HIF1A: variants seen among roughly 807,000 people sequenced by gnomAD.
The protein encoded by HIF1A is hypoxia-inducible factor 1-alpha.
In HIF1A, 24 loss-of-function variants were observed where a neutral mutation model predicts 92.7. The observed-to-expected ratio is 0.26, with a 90% CI of 0.19 to 0.36. The LOEUF is 0.36. Among genes scored for constraint, HIF1A ranks in the 10% least tolerant of loss-of-function variants. The probability of loss-of-function intolerance (pLI) is 1.00; values close to 1 mark genes in which losing one functional copy is unlikely to be tolerated. For missense variants in HIF1A, 799 were observed against 998.5 expected (o/e 0.80, Z 2.69); for synonymous variants, 319 against 338.7 (o/e 0.94, Z 0.64).
chr14:61,728,621 G>A (rs1197016644), intron 6 of HIF1A, among the ~76,000 whole-genome samples: 1 of 152,062 alleles, frequency 6.6e-6, no homozygotes, highest in Non-Finnish European at 1.5e-5. Flanking sequence ...ACATTCATTG[G>A]CTACATACAG....
intron 4 of HIF1A, among the ~76,000 whole-genome samples, chr14:61,724,375 C>CTCTCTCTG (rs1447656747): frequency 6.6e-6 from 1 of 150,584 alleles, no homozygotes; most frequent in Non-Finnish European, 1.5e-5. Flanking sequence ...CTCTCTCTCT[C>CTCTCTCTG]TCTCTCCCCC....
intron 1 of HIF1A, among the ~76,000 whole-genome samples, chr14:61,700,356 C>A (rs1390051170): frequency 6.6e-6 from 1 of 152,108 alleles, no homozygotes; most frequent in Non-Finnish European, 1.5e-5. Context: ...TCTGTTTCTG[C>A]AAATTTAACT....
chr14:61,722,565 A>G (rs1274224376), intron 4 of HIF1A, among the ~76,000 whole-genome samples: 2 of 152,172 alleles, frequency 1.3e-5, no homozygotes, highest in Admixed American at 6.5e-5. Context: ...CCATTAAGGC[A>G]AGGAGAAATT....
At chr14:61,709,288 A>G (rs953038748) in intron 1 of HIF1A, among the ~76,000 whole-genome samples, 4 of 152,238 alleles carry the variant, frequency 2.6e-5, no homozygotes, top group African/African-American at 9.6e-5. Flanking sequence ...ATCACTAGTC[A>G]GGAATAATCT....
chr14:61,741,769 G>A (rs757285500), intron 12 of HIF1A, among the ~76,000 whole-genome samples: 16 of 152,148 alleles, frequency 1.1e-4, no homozygotes, highest in Non-Finnish European at 2.2e-4. Flanking sequence ...TACTGTAAAT[G>A]TGTTTACAGA....
intron 1 of HIF1A, among the ~76,000 whole-genome samples, chr14:61,713,058 CAGA>C (rs2044325122): frequency 6.6e-6 from 1 of 151,902 alleles, no homozygotes; most frequent in Non-Finnish European, 1.5e-5. Context: ...GTACCCCAGG[CAGA>C]AGGAGTAGAG....
intron 1 of HIF1A, among the ~76,000 whole-genome samples, chr14:61,710,691 A>C (rs2044295978): frequency 6.6e-6 from 1 of 152,160 alleles, no homozygotes; most frequent in Non-Finnish European, 1.5e-5. Context: ...CTAGATAGAA[A>C]ATGTAACAAC....
At chr14:61,724,349 T>TTCTCTCGCTCTCTCTCTCTC (rs2044472677) in intron 4 of HIF1A, among the ~76,000 whole-genome samples, 1 of 96,096 alleles carries the variant, frequency 1.0e-5, no homozygotes, top group African/African-American at 3.4e-5. Context: ...CACACACACA[T>TTCTCTCGCTCTCTCTCTCTC]TCTCTCTCTC....
Position 61,727,525 on chromosome 14 carries a change from C to G in HIF1A, c.643C>G (p.Pro215Ala). Residue 215 changes from proline to alanine, a missense_variant, in exon 6 of 15, where the codon CCA (proline) becomes GCA (alanine). Transcript: ENST00000337138. ...SNQPQCGYKK[P>A]PMTCLVLICE... ...CCAACCTCAGTGTGGGTATAAGAAA[C>G]CACCTATGACCTGCTTGGTGCTGAT... The G allele has an allele frequency of 1.2e-6, 2 of 1,613,772 alleles. No homozygotes were observed. The highest frequency in any genetic ancestry group is 1.7e-6 in the Non-Finnish European group (2 of 1,179,802).
chr14:61,715,426 G>A (rs928535048), intron 1 of HIF1A: 3 of 152,116 alleles, frequency 2.0e-5, no homozygotes, highest in Admixed American at 6.5e-5. Flanking sequence ...GGCAAATTTC[G>A]AACTTTATAA....
intron 1 of HIF1A, among the ~76,000 whole-genome samples, chr14:61,706,155 C>T (rs2044237280): frequency 6.6e-6 from 1 of 152,034 alleles, no homozygotes; most frequent in Admixed American, 6.6e-5. Flanking sequence ...GATTTACAAG[C>T]TGAGAAGGAA....
At chr14:61,706,682 A>G (rs546465556) in intron 1 of HIF1A, among the ~76,000 whole-genome samples, 5 of 152,316 alleles carry the variant, frequency 3.3e-5, no homozygotes, top group South Asian at 2.1e-4. Context: ...TAGTTGCTCT[A>G]TGGATTCCCA....
chr14:61,734,825 G>A (rs886451424), intron 8 of HIF1A, among the ~76,000 whole-genome samples: 3 of 152,172 alleles, frequency 2.0e-5, no homozygotes, highest in African/African-American at 7.2e-5. Flanking sequence ...ATGAGTTAAT[G>A]GATGTAGCAC....
At chr14:61,720,609 ATTAGAAG>A in intron 2 of HIF1A, 37 bp downstream of exon 2, 2 of 1,297,728 alleles carry the variant, frequency 1.5e-6, no homozygotes, top group Non-Finnish European at 2.1e-6. Context: ...AGGCCTGAAA[ATTAGAAG>A]TTAGAAGTAA....
chr14:61,712,018 C>T (rs541103597), intron 1 of HIF1A, among the ~76,000 whole-genome samples: 2 of 152,254 alleles, frequency 1.3e-5, no homozygotes, highest in East Asian at 3.9e-4. Flanking sequence ...AAGTCTCCGC[C>T]TCTATGGAAC....
chr14:61,700,580 G>A (rs557336862), intron 1 of HIF1A, among the ~76,000 whole-genome samples: 2 of 152,170 alleles, frequency 1.3e-5, no homozygotes, highest in African/African-American at 2.4e-5. Context: ...CCACATCTTG[G>A]TTATTGTGCT....
rs369956610 is a variant in HIF1A at position 61,744,655 on chromosome 14, TA to T, written c.2094-49del. On this transcript the variant is annotated intron_variant, in intron 12 of 14. Transcript: ENST00000337138. Reference sequence around the variant, plus strand: ...ATTTTCTTTAAAAGCGCTCACTGGATATTTTTTTTAAAAACGCTATATTTTC... The same window carrying T: ...ATTTTCTTTAAAAGCGCTCACTGGATTTTTTTTTAAAAACGCTATATTTTC... The T allele has an allele frequency of 7.7e-4, 570 of 741,690 alleles. 11 individuals are homozygous for T. The South Asian group carries it at 8.1e-3, about 11-fold the overall frequency. 45.9% of individuals were successfully genotyped at this position (741,690 alleles called of 1,614,324 possible).
At chr14:61,697,853 G>C (rs944123805) in intron 1 of HIF1A, 2 of 1,507,512 alleles carry the variant, frequency 1.3e-6, no homozygotes, top group African/African-American at 2.8e-5. Context: ...CATTTTAAAT[G>C]AGCTCCCAAT....
intron 14 of HIF1A, among the ~76,000 whole-genome samples, chr14:61,746,564 C>T (rs1020644164): frequency 6.6e-6 from 1 of 151,726 alleles, no homozygotes; most frequent in Admixed American, 6.6e-5. Flanking sequence ...TCACCACACC[C>T]GGTTGCTTTT....
Sources: gnomAD v4.1 joint callset for allele counts (sites outside exome capture counted in the v4.1 genomes callset) on GRCh38, gnomAD v4.1.1 for gene constraint, MANE v1.5 for transcripts, NCBI Gene and HGNC (gene_info 2026-07-23, HGNC 2026-07-21) for gene names.